Variants in C11orf65 observed in about 807,000 individuals in gnomAD.
C11orf65 encodes the protein chromosome 11 open reading frame 65.
A neutral mutation model predicts 35.3 loss-of-function variants in C11orf65; 38 were observed. The observed-to-expected ratio is 1.08, with a 90% CI of 0.83 to 1.41. The LOEUF (loss-of-function observed/expected upper bound fraction) is 1.41, where lower values mean the gene tolerates loss of function less well. Ranked by LOEUF, C11orf65 falls within the 40% of genes most tolerant of loss-of-function variation. The probability of loss-of-function intolerance (pLI) is 0.00; values close to 1 mark genes in which losing one functional copy is unlikely to be tolerated. For synonymous variants in C11orf65, 105 were observed against 114.4 expected (o/e 0.92, Z 0.53); for missense variants, 370 against 367.1 (o/e 1.01, Z -0.06).
At chr11:108,447,565 A>G (rs959748129) in intron 2 of C11orf65, among the ~76,000 whole-genome samples, 4 of 152,196 alleles carry the variant, frequency 2.6e-5, no homozygotes, top group Non-Finnish European at 5.9e-5. Flanking sequence ...AGGCAGAAAT[A>G]AAGACGTTCT....
downstream of C11orf65, chr11:108,327,249 C>A: frequency 4.0e-6 from 1 of 247,958 alleles, no homozygotes; most frequent in Non-Finnish European, 7.9e-6. Context: ...TAGTATTGGC[C>A]CTGAAGTATG....
intron 2 of C11orf65, among the ~76,000 whole-genome samples, chr11:108,441,756 G>A (rs561008518): frequency 3.3e-5 from 5 of 152,292 alleles, no homozygotes; most frequent in East Asian, 3.9e-4. Context: ...CTGCAGCTGC[G>A]GGTCCTATTA....
chr11:108,356,515 G>T (rs118052871), intron 2 of C11orf65, among the ~76,000 whole-genome samples: 2 of 139,494 alleles, frequency 1.4e-5, no homozygotes, highest in African/African-American at 5.3e-5. Flanking sequence ...CAGCCTGGGC[G>T]ACAAGAGCAA....
intron 6 of C11orf65, chr11:108,312,300 GT>G: frequency 1.2e-6 from 1 of 802,638 alleles, no homozygotes. Flanking sequence ...GATTTATTCT[GT>G]TTTGTTTGCC....
intron 6 of C11orf65, chr11:108,312,334 C>T: frequency 9.0e-7 from 1 of 1,113,832 alleles, no homozygotes; most frequent in Non-Finnish European, 1.4e-6. Context: ...TTTTTTCTGT[C>T]AAAGTCTATA....
intron 6 of C11orf65, among the ~76,000 whole-genome samples, chr11:108,320,276 GT>G: frequency 6.6e-6 from 1 of 152,270 alleles, no homozygotes; most frequent in South Asian, 2.1e-4. Flanking sequence ...CTTCAAGAAA[GT>G]TTTGGTGATT....
At chr11:108,404,944 C>A (rs11212611) in intron 6 of C11orf65, among the ~76,000 whole-genome samples, 4,033 of 152,198 alleles carry the variant, frequency 0.026, 187 homozygotes, top group African/African-American at 0.092. Context: ...TTTCACATGA[C>A]CTCGGTAACA....
intron 2 of C11orf65, among the ~76,000 whole-genome samples, chr11:108,363,663 T>C (rs536692801): frequency 2.0e-5 from 3 of 152,354 alleles, no homozygotes; most frequent in East Asian, 1.9e-4. Flanking sequence ...ATGACAATAG[T>C]GCTGAGACTG....
intron 3 of C11orf65, among the ~76,000 whole-genome samples, chr11:108,418,783 CA>C (rs1250994139): frequency 6.6e-6 from 1 of 151,680 alleles, no homozygotes; most frequent in African/African-American, 2.4e-5. Flanking sequence ...AGAGGAGATG[CA>C]AATAACCAAT....
At chr11:108,362,572 G>C (rs1270830363) in intron 2 of C11orf65, among the ~76,000 whole-genome samples, 2 of 149,774 alleles carry the variant, frequency 1.3e-5, no homozygotes, top group African/African-American at 2.5e-5. Context: ...ATGATAGACT[G>C]GATTAAGAAA....
At chr11:108,362,794 T>A (rs2090929799) in intron 2 of C11orf65, among the ~76,000 whole-genome samples, 1 of 111,372 alleles carries the variant, frequency 9.0e-6, no homozygotes, top group Non-Finnish European at 1.8e-5. Context: ...CTCTGGGGAC[T>A]GTGGTGGGGT....
At chr11:108,353,643 A>G in intron 2 of C11orf65, 1 of 774,570 alleles carries the variant, frequency 1.3e-6, no homozygotes, top group Non-Finnish European at 2.3e-6. Context: ...ACTACTGTAC[A>G]TACTAGTGTT....
At chr11:108,327,518 A>G, downstream of C11orf65, 1 of 722,240 alleles carries the variant, frequency 1.4e-6, no homozygotes, top group Non-Finnish European at 2.4e-6. Flanking sequence ...CAGATGAGGA[A>G]AAACTTTTTT....
intron 2 of C11orf65, among the ~76,000 whole-genome samples, chr11:108,350,944 CAT>C (rs2089130003): frequency 6.6e-6 from 1 of 152,142 alleles, no homozygotes; most frequent in Admixed American, 6.5e-5. Context: ...AACACAAATG[CAT>C]ACATATGTAT....
At chr11:108,455,222 C>T (rs1047442849) in intron 2 of C11orf65, among the ~76,000 whole-genome samples, 1 of 152,132 alleles carries the variant, frequency 6.6e-6, no homozygotes, top group Admixed American at 6.6e-5. Flanking sequence ...TTGTATTCAA[C>T]ATGGCACTGG....
chr11:108,463,979 T>G (rs2093502267), intron 1 of C11orf65, among the ~76,000 whole-genome samples: 2 of 147,882 alleles, frequency 1.4e-5, no homozygotes, highest in Admixed American at 1.4e-4. Flanking sequence ...CAGGCTGGAG[T>G]GCAGAGACAT....
chr11:108,438,538 A>G (rs1372435958), intron 2 of C11orf65, among the ~76,000 whole-genome samples: 1 of 149,664 alleles, frequency 6.7e-6, no homozygotes, highest in Non-Finnish European at 1.5e-5. Context: ...GCAACAAAGC[A>G]AGATTTCGTC....
downstream of C11orf65, among the ~76,000 whole-genome samples, chr11:108,379,389 C>T (rs2091813348): frequency 6.7e-6 from 1 of 149,900 alleles, no homozygotes; most frequent in African/African-American, 2.5e-5. Flanking sequence ...AAAAACCAAA[C>T]ACCGCATATT....
At chr11:108,350,750 A>C (rs2089090759) in intron 2 of C11orf65, among the ~76,000 whole-genome samples, 1 of 152,180 alleles carries the variant, frequency 6.6e-6, no homozygotes, top group Admixed American at 6.5e-5. Flanking sequence ...TCTGAGAATG[A>C]AAGGAGAGTG....
Sources: allele counts gnomAD v4.1 joint callset (sites outside exome capture counted in the v4.1 genomes callset), GRCh38; gene constraint gnomAD v4.1.1; transcripts MANE v1.5; gene names NCBI Gene and HGNC (gene_info 2026-07-23, HGNC 2026-07-21).